The following RMND1 variants were observed in gnomAD, a reference collection of about 807,000 sequenced individuals.
RMND1 encodes the protein required for meiotic nuclear division protein 1 homolog.
RMND1 carries 41 observed loss-of-function variants against 54.0 expected under a neutral mutation model. That is an observed-to-expected ratio of 0.76 (90% confidence interval 0.59 to 0.98). RMND1 has a LOEUF of 0.98. RMND1 is among the 50% of genes least tolerant of loss of function. RMND1 has a pLI of 0.00. For missense variants in RMND1, 457 were observed against 532.0 expected (o/e 0.86, Z 1.39); for synonymous variants, 183 against 181.7 (o/e 1.01, Z -0.06).
chr6:151,440,007 A>C (rs1009488441), intron 2 of RMND1, among the ~76,000 whole-genome samples: 1 of 152,084 alleles, frequency 6.6e-6, no homozygotes, highest in Non-Finnish European at 1.5e-5. Flanking sequence ...CCCAGGCGTG[A>C]GGGCAGTGGT....
At chr6:151,410,184 A>G (rs540232711) in intron 10 of RMND1, among the ~76,000 whole-genome samples, 6 of 151,666 alleles carry the variant, frequency 4.0e-5, no homozygotes, top group East Asian at 2.0e-4. Context: ...CCTCCCGAGT[A>G]GCTGGGACTA....
chr6:151,447,810 CTTTTTTTTT>C (rs869136474), intron 1 of RMND1, among the ~76,000 whole-genome samples: 8 of 110,342 alleles, frequency 7.3e-5, no homozygotes, highest in Non-Finnish European at 1.2e-4. Context: ...TGAGTAAATT[CTTTTTTTTT>C]TTTTTTTTTT....
intron 1 of RMND1, among the ~76,000 whole-genome samples, chr6:151,449,060 CAAA>C (rs71014585): frequency 5.4e-4 from 10 of 18,676 alleles, no homozygotes; most frequent in Admixed American, 1.6e-3. Context: ...GACTCTGTCT[CAAA>C]AAAAAAAAAA....
chr6:151,450,434 C>G (rs1781118920), intron 1 of RMND1, among the ~76,000 whole-genome samples: 1 of 91,690 alleles, frequency 1.1e-5, no homozygotes, highest in Admixed American at 1.1e-4. Flanking sequence ...GCCAGCCACC[C>G]CGTCTGGGAG....
chr6:151,423,729 G>T, intron 6 of RMND1, 98 bp from the exon 7 acceptor site: 2 of 812,680 alleles, frequency 2.5e-6, no homozygotes, highest in South Asian at 1.5e-5. Flanking sequence ...AGGTCATTTT[G>T]ACAATTTGTA....
At chr6:151,438,899 A>ATC in intron 2 of RMND1, among the ~76,000 whole-genome samples, 1 of 151,852 alleles carries the variant, frequency 6.6e-6, no homozygotes, top group South Asian at 2.1e-4. Flanking sequence ...GGATCACTTG[A>ATC]GGTCAGGAGT....
intron 1 of RMND1, among the ~76,000 whole-genome samples, chr6:151,450,362 G>C (rs1781112307): frequency 6.9e-6 from 1 of 144,736 alleles, no homozygotes; most frequent in African/African-American, 2.6e-5. Context: ...GGAGGTGGGG[G>C]TCAGCCCCCG....
At position 151,410,272 on chromosome 6, in the gene RMND1, G is replaced by A. The variant is rs928940563; in HGVS notation, c.1201-4436C>T. On this transcript the variant is annotated intron_variant, in intron 10 of 11. Coordinates refer to ENST00000444024, the MANE Select transcript of RMND1 (RefSeq NM_017909.4). ...GGGTCTCACCATGTTAGCCAGGATG[G>A]TCTGGATCTCCTGACCTTGTGATCC... 3.3e-5 allele frequency among the ~76,000 whole-genome samples: 5 copies of A among 152,076 alleles called. No individual in the cohort carries two copies. The South Asian group carries it at 1.0e-3, about 32-fold the overall frequency.
chr6:151,426,467 C>T (rs1780300131), intron 6 of RMND1, among the ~76,000 whole-genome samples: 1 of 152,182 alleles, frequency 6.6e-6, no homozygotes. Flanking sequence ...CCAGCACCCA[C>T]ACTTCTACAA....
chr6:151,447,084 G>A (rs1475757094), intron 1 of RMND1, among the ~76,000 whole-genome samples: 1 of 152,154 alleles, frequency 6.6e-6, no homozygotes, highest in Non-Finnish European at 1.5e-5. Context: ...CATTGTCACA[G>A]AGGTGACATT....
intron 1 of RMND1, among the ~76,000 whole-genome samples, chr6:151,451,437 G>A (rs1214297148): frequency 6.6e-6 from 1 of 152,084 alleles, no homozygotes; most frequent in Non-Finnish European, 1.5e-5. Flanking sequence ...CATTGGGAGT[G>A]ACAGACAAAA....
intron 1 of RMND1, among the ~76,000 whole-genome samples, chr6:151,449,637 C>T (rs116284982): frequency 2.1e-3 from 321 of 151,956 alleles, no homozygotes; most frequent in African/African-American, 7.4e-3. Flanking sequence ...CAGCCCTCTC[C>T]CTCTCCCTCC....
chr6:151,443,312 A>G (rs1780839635), intron 2 of RMND1, among the ~76,000 whole-genome samples: 1 of 151,834 alleles, frequency 6.6e-6, no homozygotes. Flanking sequence ...TAGAAACATG[A>G]TTTTCTTCTC....
At chr6:151,417,221 A>G in intron 10 of RMND1, 58 bp downstream of exon 10, 1 of 1,537,966 alleles carries the variant, frequency 6.5e-7, no homozygotes, top group Non-Finnish European at 8.8e-7. Context: ...AGTTAAACAT[A>G]TTCAACTTAT....
intron 10 of RMND1, among the ~76,000 whole-genome samples, chr6:151,407,048 C>T (rs934341112): frequency 4.0e-5 from 6 of 151,784 alleles, no homozygotes; most frequent in African/African-American, 9.7e-5. Context: ...AGCTACTTGG[C>T]AGGGATGAGG....
intron 9 of RMND1, among the ~76,000 whole-genome samples, chr6:151,419,877 T>C (rs1366834624): frequency 6.6e-6 from 1 of 152,110 alleles, no homozygotes; most frequent in Non-Finnish European, 1.5e-5. Context: ...TGCATGTGTG[T>C]GCAAGCAAAC....
At chr6:151,421,606 T>A (rs1017608667) in intron 8 of RMND1, among the ~76,000 whole-genome samples, 1 of 152,222 alleles carries the variant, frequency 6.6e-6, no homozygotes, top group African/African-American at 2.4e-5. Flanking sequence ...TTCCGAAGTA[T>A]AATTAGATTA....
chr6:151,412,909 AC>A (rs957379624), intron 10 of RMND1, among the ~76,000 whole-genome samples: 1 of 151,596 alleles, frequency 6.6e-6, no homozygotes, highest in Non-Finnish European at 1.5e-5. Flanking sequence ...TGATCCAGTC[AC>A]CCCCCCACCA....
At chr6:151,449,928 G>A (rs1388698176) in intron 1 of RMND1, among the ~76,000 whole-genome samples, 1 of 152,238 alleles carries the variant, frequency 6.6e-6, no homozygotes, top group Non-Finnish European at 1.5e-5. Flanking sequence ...CGGGTTTGCA[G>A]ACGGAGTCTG....
Sources: gnomAD v4.1 joint callset for allele counts (sites outside exome capture counted in the v4.1 genomes callset) on GRCh38, gnomAD v4.1.1 for gene constraint, MANE v1.5 for transcripts, NCBI Gene and HGNC (gene_info 2026-07-23, HGNC 2026-07-21) for gene names.